Variants in BAZ1B observed in about 807,000 individuals in gnomAD.
BAZ1B encodes tyrosine-protein kinase BAZ1B.
BAZ1B carries 22 observed loss-of-function variants against 153.8 expected under a neutral mutation model. The observed-to-expected ratio is 0.14, with a 90% CI of 0.10 to 0.20. The LOEUF (loss-of-function observed/expected upper bound fraction) is 0.20, where lower values mean the gene tolerates loss of function less well. Among genes scored for constraint, BAZ1B ranks in the 10% least tolerant of loss-of-function variants. BAZ1B has a pLI of 1.00. For synonymous variants in BAZ1B, 676 were observed against 633.4 expected, an observed-to-expected ratio of 1.07 and a Z score of -1.01; for missense variants, 1,325 against 1,799.3, an observed-to-expected ratio of 0.74 and a Z score of 4.77.
At chr7:73,478,836 C>A (rs1789092290) in intron 6 of BAZ1B, among the ~76,000 whole-genome samples, 1 of 152,076 alleles carries the variant, frequency 6.6e-6, no homozygotes, top group African/African-American at 2.4e-5. Flanking sequence ...ATTAATGATT[C>A]TTAAATATTT....
At chr7:73,463,800 CGGGT>C (rs1276956723) in intron 11 of BAZ1B, among the ~76,000 whole-genome samples, 1 of 152,008 alleles carries the variant, frequency 6.6e-6, no homozygotes, top group African/African-American at 2.4e-5. Context: ...CTCCACCTCC[CGGGT>C]TCAAGCAATT....
chr7:73,479,232 G>A (rs1173395145), intron 6 of BAZ1B, among the ~76,000 whole-genome samples: 1 of 152,046 alleles, frequency 6.6e-6, no homozygotes, highest in East Asian at 1.9e-4. Flanking sequence ...ATTCTGGCCA[G>A]GCGCAGTGGC....
At chr7:73,497,248 A>G (rs1789949199) in intron 4 of BAZ1B, among the ~76,000 whole-genome samples, 1 of 152,040 alleles carries the variant, frequency 6.6e-6, no homozygotes, top group South Asian at 2.1e-4. Context: ...ATCTATGAAA[A>G]GCCAAAAAAG....
Position 73,444,129 on chromosome 7 carries a change from A to G in BAZ1B, c.3845T>C (p.Leu1282Ser), listed in dbSNP as rs1787736439. The change falls in exon 17 of 20, where the codon TTG becomes TCG. Residue 1282 changes from leucine to serine, a missense_variant and splice_region_variant. By Grantham distance (145) the Leu-to-Ser change is moderately radical. Around this residue, in one of 9 missense-constraint regions of BAZ1B, gnomAD observed 271 missense variants for 337.2 expected, o/e 0.80. Coordinates refer to ENST00000339594, the MANE Select transcript of BAZ1B (RefSeq NM_032408.4). ...EEDYEVAGLR[L>S]RPRKTIRGKH... ...GCCCCGGATGGTCTTTCGAGGTCTCACTGAAAGAAAAACTATGGATTCAGC... is the reference window on the plus strand; with the variant it reads ...GCCCCGGATGGTCTTTCGAGGTCTCGCTGAAAGAAAAACTATGGATTCAGC... 1.3e-6 allele frequency: 2 copies of G among 1,589,402 alleles called. No homozygotes were observed. Among genetic ancestry groups the G allele is most frequent in the South Asian group, 2.3e-5 (2 of 88,308 alleles).
chr7:73,467,479 C>T (rs562845053), intron 9 of BAZ1B, among the ~76,000 whole-genome samples: 59 of 152,210 alleles, frequency 3.9e-4, no homozygotes, highest in African/African-American at 1.3e-3. Context: ...AAACAATTCT[C>T]TTGCCTCAGC....
Position 73,442,233 on chromosome 7 carries a change from G to A in BAZ1B, c.4415C>T (p.Ala1472Val). The A allele has an allele frequency of 1.3e-6, 2 of 1,564,396 alleles. No individual in the cohort carries two copies. The highest frequency in any genetic ancestry group is 1.7e-6 in the Non-Finnish European group (2 of 1,148,690). Residue 1472 changes from alanine (A) to valine (V), a missense_variant, in exon 19 of 20, where the codon GCC becomes GTC. Around this residue, in one of 9 missense-constraint regions of BAZ1B, gnomAD observed 271 missense variants for 337.2 expected, o/e 0.80. Coordinates refer to ENST00000339594, the MANE Select transcript of BAZ1B (RefSeq NM_032408.4). Reference sequence around the variant, plus strand: ...TCTTCGTCCCCTGGACTGTCCAACGGCCTCTGGCTCACTGTCCCCTTCATC... The same window carrying A: ...TCTTCGTCCCCTGGACTGTCCAACGACCTCTGGCTCACTGTCCCCTTCATC... Reference protein sequence around the residue: ...AEDEGDSEPEAVGQSRGRRQK... With the variant: ...AEDEGDSEPEVVGQSRGRRQK...
chr7:73,466,835 A>C (rs1368143445), intron 9 of BAZ1B, among the ~76,000 whole-genome samples: 5 of 152,242 alleles, frequency 3.3e-5, no homozygotes, highest in African/African-American at 4.8e-5. Context: ...TTTGTAAATC[A>C]GTTCCTATAT....
chr7:73,474,803 G>A (rs925653999), intron 7 of BAZ1B, among the ~76,000 whole-genome samples: 1 of 152,050 alleles, frequency 6.6e-6, no homozygotes, highest in Non-Finnish European at 1.5e-5. Flanking sequence ...AGGACAACAC[G>A]CAAAATAGAT....
Position 73,498,715 on chromosome 7 carries a change from A to T in BAZ1B, c.370-17T>A. On this transcript the variant is annotated splice_polypyrimidine_tract_variant and intron_variant, in intron 3 of 19. Transcript: ENST00000339594. The stretch of plus-strand genomic sequence containing the variant: ...CTTCCCAACCTATAAAGGAGGTAGT[A>T]GAGAAAATCAGAGATAATAAACACC... 1.2e-6 allele frequency: 2 copies of T among 1,605,032 alleles called. No individual in the cohort carries two copies. The highest frequency in any genetic ancestry group is 1.7e-6 in the Non-Finnish European group (2 of 1,172,864).
At chr7:73,480,113 A>G (rs1441089669) in intron 6 of BAZ1B, among the ~76,000 whole-genome samples, 2 of 151,198 alleles carry the variant, frequency 1.3e-5, no homozygotes, top group Non-Finnish European at 2.9e-5. Flanking sequence ...AGCCGAGATC[A>G]CGCCACTGCA....
intron 17 of BAZ1B, among the ~76,000 whole-genome samples, chr7:73,443,253 T>G (rs1453020302): frequency 1.3e-5 from 2 of 152,090 alleles, no homozygotes; most frequent in Non-Finnish European, 2.9e-5. Flanking sequence ...GCCAATTCTG[T>G]GGGGGTGGGG....
intron 4 of BAZ1B, among the ~76,000 whole-genome samples, chr7:73,495,725 T>C (rs1789850185): frequency 6.6e-6 from 1 of 152,210 alleles, no homozygotes; most frequent in African/African-American, 2.4e-5. Context: ...ATCATGTCCT[T>C]TGCAGCGACA....
chr7:73,469,748 T>A (rs1323724403), intron 8 of BAZ1B, 98 bp from the exon 9 acceptor site: 1 of 1,389,170 alleles, frequency 7.2e-7, no homozygotes, highest in Non-Finnish European at 1.0e-6. Context: ...CACTGAGCAT[T>A]CAAAACCACA....
At chr7:73,498,338 T>C (rs1331503234) in intron 4 of BAZ1B, among the ~76,000 whole-genome samples, 159 bp downstream of exon 4, 2 of 152,218 alleles carry the variant, frequency 1.3e-5, no homozygotes, top group African/African-American at 4.8e-5. Context: ...AAGTGTTTCA[T>C]GTTGTGGACA....
rs1350634882 is a variant in BAZ1B at position 73,465,440 on chromosome 7, T to C, written c.3070A>G (p.Arg1024Gly). 6.9e-6 allele frequency: 11 copies of C among 1,584,142 alleles called. No individual in the cohort carries two copies. The highest frequency in any genetic ancestry group is 9.5e-6 in the Non-Finnish European group (11 of 1,160,356). Residue 1024 changes from arginine to glycine, a missense_variant and splice_region_variant, in exon 11 of 20, where the codon AGG becomes GGG. Transcript: ENST00000339594. The stretch of plus-strand genomic sequence containing the variant: ...AGGAGTAAGATGAAAACCTCTTACC[T>C]CTTCTCTAGTCTCTCTTTAAGTTGA... ...ESQLKERLEK[R>G]YQDIIHSIHL...
intron 13 of BAZ1B, among the ~76,000 whole-genome samples, chr7:73,453,656 T>C (rs1206176118): frequency 6.6e-6 from 1 of 152,214 alleles, no homozygotes; most frequent in Admixed American, 6.5e-5. Flanking sequence ...CTTAGACATC[T>C]AAAAGGTTAC....
intron 1 of BAZ1B, among the ~76,000 whole-genome samples, chr7:73,520,650 T>A (rs1790998229): frequency 1.3e-5 from 2 of 152,308 alleles, no homozygotes; most frequent in South Asian, 2.1e-4. Flanking sequence ...CCCCTTTGTG[T>A]GTATACTCCC....
chr7:73,488,417 CA>C (rs1789501412), intron 6 of BAZ1B, among the ~76,000 whole-genome samples: 1 of 151,950 alleles, frequency 6.6e-6, no homozygotes, highest in Non-Finnish European at 1.5e-5. Flanking sequence ...TTTGGAAAAT[CA>C]AAAGTGAGGA....
intron 1 of BAZ1B, among the ~76,000 whole-genome samples, chr7:73,521,389 G>C (rs1373481336): frequency 6.6e-6 from 1 of 152,072 alleles, no homozygotes; most frequent in Non-Finnish European, 1.5e-5. Context: ...GGCCGCGCGA[G>C]TACAATTTCA....
Sources: gnomAD v4.1 joint callset for allele counts (sites outside exome capture counted in the v4.1 genomes callset) on GRCh38, gnomAD v4.1.1 for gene constraint, gnomAD v4.1.1 regional missense constraint, MANE v1.5 for transcripts, NCBI Gene and HGNC (gene_info 2026-07-23, HGNC 2026-07-21) for gene names.